Variants in MAGI1 observed in about 807,000 individuals in gnomAD.
The protein encoded by MAGI1 is membrane-associated guanylate kinase, WW and PDZ domain-containing protein 1.
Under a neutral mutation model 139.9 loss-of-function variants are expected in MAGI1, and 58 were observed. The ratio of observed to expected loss-of-function variants is 0.41; its 90% CI spans 0.34 to 0.52. The LOEUF is 0.52. Ranked by LOEUF, MAGI1 falls within the 20% of genes least tolerant of loss-of-function variation. The pLI is 0.12. For synonymous variants in MAGI1, 812 were observed against 737.9 expected (o/e 1.10, Z -1.63); for missense variants, 1,874 against 1,901.6 (o/e 0.99, Z 0.27).
At chr3:65,509,730 G>A (rs1045162344) in intron 2 of MAGI1, among the ~76,000 whole-genome samples, 1 of 152,086 alleles carries the variant, frequency 6.6e-6, no homozygotes, top group African/African-American at 2.4e-5. Context: ...CTGGGGGAGG[G>A]GCGCCCGCCA....
Position 66,006,603 on chromosome 3 carries a change from T to C in MAGI1, c.313+31393A>G, listed in dbSNP as rs1447376602. ...TGCTGAAGTAAAGCTTTTTCATCTG[T>C]TTAGACTCTGATCATCCTATGGTAC... On this transcript the variant is annotated intron_variant, in intron 1 of 22. Transcript: ENST00000402939. 3.9e-5 allele frequency among the ~76,000 whole-genome samples: 6 copies of C among 152,158 alleles called. No individual in the cohort carries two copies. In the East Asian group the frequency reaches 7.7e-4, roughly 20 times the overall value.
chr3:65,910,855 CTTTTTTT>C (rs397989928), intron 1 of MAGI1, among the ~76,000 whole-genome samples: 7 of 59,484 alleles, frequency 1.2e-4, no homozygotes, highest in African/African-American at 2.4e-4. Flanking sequence ...ACATGGTGGA[CTTTTTTT>C]TTTTTTTTTT....
chr3:65,481,628 C>A (rs749614462), intron 3 of MAGI1, among the ~76,000 whole-genome samples: 25 of 152,126 alleles, frequency 1.6e-4, no homozygotes, highest in Non-Finnish European at 2.8e-4. Context: ...GGAACCCCTC[C>A]CTCGTAATTT....
intron 1 of MAGI1, among the ~76,000 whole-genome samples, chr3:65,903,033 A>G (rs2061299338): frequency 6.6e-6 from 1 of 152,012 alleles, no homozygotes; most frequent in African/African-American, 2.4e-5. Flanking sequence ...CTGTCACCCA[A>G]GTTAGAGTAC....
In MAGI1 at chr3:65,621,994, G is replaced by T. The variant is rs1490964564; in HGVS notation, c.408C>A (p.Asn136Lys). 1 of 1,612,990 alleles carries T rather than the reference G, an allele frequency of 6.2e-7. No individual in the cohort carries two copies. Among genetic ancestry groups the T allele is most frequent in the Non-Finnish European group, 8.5e-7 (1 of 1,179,328 alleles). The change falls in exon 2 of 23, where the codon AAC becomes AAA. Residue 136 changes from asparagine (N) to lysine (K), a missense_variant. Transcript: ENST00000402939. ...TACAAGGCACAGCATGGCGGTAAAG[G>T]TTATCCCTTATGGTCTGCTGGAGCT... Reference protein sequence around the residue: ...DHELQQTIRDNLYRHAVPCTT... With the variant: ...DHELQQTIRDKLYRHAVPCTT...
At chr3:65,690,245 A>C (rs2107556596) in intron 1 of MAGI1, among the ~76,000 whole-genome samples, 1 of 152,316 alleles carries the variant, frequency 6.6e-6, no homozygotes, top group Middle Eastern at 3.4e-3. Flanking sequence ...AATCAAATGA[A>C]TACAGAGGAA....
intron 1 of MAGI1, among the ~76,000 whole-genome samples, chr3:65,626,447 G>T (rs1229544146): frequency 6.6e-6 from 1 of 152,056 alleles, no homozygotes; most frequent in Non-Finnish European, 1.5e-5. Context: ...GCCTCAGCCT[G>T]CCAAGTAGCT....
At chr3:65,817,740 G>A (rs2041697386) in intron 1 of MAGI1, among the ~76,000 whole-genome samples, 1 of 152,136 alleles carries the variant, frequency 6.6e-6, no homozygotes, top group Non-Finnish European at 1.5e-5. Flanking sequence ...TCTGCTCTAT[G>A]TCATCAAAGT....
At chr3:65,992,353 A>T (rs188426223) in intron 1 of MAGI1, among the ~76,000 whole-genome samples, 40 of 152,334 alleles carry the variant, frequency 2.6e-4, no homozygotes, top group Admixed American at 1.6e-3. Context: ...TAGTACAAGT[A>T]TTTCCTCTAC....
At chr3:65,970,890 A>G (rs1421203145) in intron 1 of MAGI1, among the ~76,000 whole-genome samples, 1 of 152,236 alleles carries the variant, frequency 6.6e-6, no homozygotes, top group East Asian at 1.9e-4. Flanking sequence ...TTCTAAAACT[A>G]CAGATAGATC....
intron 4 of MAGI1, among the ~76,000 whole-genome samples, chr3:65,472,767 GTGCCC>G (rs1950631297): frequency 6.6e-6 from 1 of 152,214 alleles, no homozygotes; most frequent in Non-Finnish European, 1.5e-5. Flanking sequence ...CAGACAGTTT[GTGCCC>G]TGGAGGAGAG....
At chr3:65,631,231 A>T (rs1292622305) in intron 1 of MAGI1, among the ~76,000 whole-genome samples, 1 of 152,242 alleles carries the variant, frequency 6.6e-6, no homozygotes, top group Non-Finnish European at 1.5e-5. Context: ...CATGCAATGG[A>T]GTCAAAAAGG....
chr3:65,498,459 G>A (rs964869769), intron 2 of MAGI1, among the ~76,000 whole-genome samples: 3 of 151,934 alleles, frequency 2.0e-5, no homozygotes, highest in African/African-American at 7.2e-5. Context: ...ATATAACGCT[G>A]GGAAAAAAAT....
At chr3:65,460,575 C>T (rs945680651) in intron 5 of MAGI1, among the ~76,000 whole-genome samples, 1 of 151,694 alleles carries the variant, frequency 6.6e-6, no homozygotes, top group South Asian at 2.1e-4. Flanking sequence ...TACTTAAGTT[C>T]AGGGATACAT....
At chr3:65,629,352 T>G (rs990317780) in intron 1 of MAGI1, among the ~76,000 whole-genome samples, 1 of 152,342 alleles carries the variant, frequency 6.6e-6, no homozygotes, top group South Asian at 2.1e-4. Flanking sequence ...GGTCAAAGAA[T>G]GGTATTTCAT....
At chr3:65,389,086 G>A (rs1943686667) in intron 14 of MAGI1, among the ~76,000 whole-genome samples, 4 of 151,566 alleles carry the variant, frequency 2.6e-5, no homozygotes, top group South Asian at 2.1e-4. Flanking sequence ...TTCGTGATCC[G>A]CCCGCCTCAG....
chr3:65,688,011 C>T lies in MAGI1; in HGVS notation c.314-65923G>A. ...GGACTTGAGGGTTTCGTTTTCCTGG[C>T]TTTGAGCCCCTCACACCCTGGATCC... On this transcript the variant is annotated intron_variant, in intron 1 of 22. Coordinates refer to ENST00000402939, the MANE Select transcript of MAGI1 (RefSeq NM_001033057.2). 4 of 831,006 alleles carry T rather than the reference C, an allele frequency of 4.8e-6. No individual in the cohort carries two copies. The South Asian group carries it at 5.2e-5, about 11-fold the overall frequency. 51.5% of individuals were successfully genotyped at this position (831,006 alleles called of 1,614,324 possible).
At chr3:65,380,354 A>T (rs887199499) in intron 16 of MAGI1, among the ~76,000 whole-genome samples, 7 of 152,248 alleles carry the variant, frequency 4.6e-5, no homozygotes, top group African/African-American at 1.7e-4. Context: ...TAATTTTGGA[A>T]AAATAAGCAT....
Position 65,778,393 on chromosome 3 carries a change from G to C in MAGI1, c.314-156305C>G, listed in dbSNP as rs186522748. ...TGCAGTGGGCCAAGATAGTGCCATT[G>C]CATTCCAGCCTGGGCAACAAGAGTG... On this transcript the variant is annotated intron_variant, in intron 1 of 22. Coordinates refer to ENST00000402939, the MANE Select transcript of MAGI1 (RefSeq NM_001033057.2). 3.5e-3 allele frequency among the ~76,000 whole-genome samples: 500 copies of C among 144,548 alleles called. 5 individuals carry two copies. Among genetic ancestry groups the C allele is most frequent in the African/African-American group, 0.012 (474 of 39,016 alleles). The allele number at this position is 144,548 out of a possible 152,430, so 94.8% of individuals were successfully genotyped here.
Sources: gnomAD v4.1 joint callset for allele counts (sites outside exome capture counted in the v4.1 genomes callset) on GRCh38, gnomAD v4.1.1 for gene constraint, MANE v1.5 for transcripts, NCBI Gene and HGNC (gene_info 2026-07-23, HGNC 2026-07-21) for gene names.